The following CNGB3 variants were observed in gnomAD, a reference collection of about 807,000 sequenced individuals.
CNGB3 encodes cyclic nucleotide-gated channel beta-3.
CNGB3 carries 86 observed loss-of-function variants against 92.8 expected under a neutral mutation model. That is an observed-to-expected ratio of 0.93 (90% CI 0.78 to 1.11). CNGB3 has a LOEUF of 1.11. Among genes scored for constraint, CNGB3 ranks in the 50% least tolerant of loss-of-function variants. The pLI, the probability that CNGB3 is intolerant of heterozygous loss-of-function variation, is 0.00. For synonymous variants in CNGB3, 333 were observed against 332.7 expected, an observed-to-expected ratio of 1.00 and a Z score of -0.01; for missense variants, 1,026 against 956.8, an observed-to-expected ratio of 1.07 and a Z score of -0.95.
chr8:86,701,225 G>C (rs1244832955), intron 3 of CNGB3, among the ~76,000 whole-genome samples: 14 of 151,910 alleles, frequency 9.2e-5, no homozygotes, highest in Non-Finnish European at 4.4e-5. Flanking sequence ...GCTGTTCCTT[G>C]GCTTTAGAAA....
intron 3 of CNGB3, among the ~76,000 whole-genome samples, chr8:86,682,200 C>T (rs978038891): frequency 1.3e-5 from 2 of 152,094 alleles, no homozygotes; most frequent in South Asian, 2.1e-4. Flanking sequence ...TTCCACAGGT[C>T]GGGCTGTGGG....
chr8:86,593,572 G>A (rs952813413), intron 15 of CNGB3, among the ~76,000 whole-genome samples: 2 of 152,024 alleles, frequency 1.3e-5, no homozygotes, highest in Non-Finnish European at 2.9e-5. Context: ...TCTCTCCTTC[G>A]AGGTCTTTAT....
Position 86,644,653 on chromosome 8 carries a change from C to G in CNGB3, c.1024G>C (p.Glu342Gln). Residue 342 changes from glutamate to glutamine, a missense_variant, in exon 9 of 18, where the codon GAG (glutamate) becomes CAG (glutamine). By Grantham distance (29) the Glu-to-Gln change is conservative (BLOSUM62 2). Coordinates refer to ENST00000320005, the MANE Select transcript of CNGB3 (RefSeq NM_019098.5). ...ATATATGCTTTGTCCATTATAGACT[C>G]TAGGTGATGATTAAATTCAAAAAAT... ...TSFFEFNHHL[E>Q]SIMDKAYIYR... 6.3e-7 allele frequency: 1 copy of G among 1,593,100 alleles called. No homozygotes were observed. The highest frequency in any genetic ancestry group is 8.6e-7 in the Non-Finnish European group (1 of 1,167,172).
chr8:86,635,861 T>TATATATATATATATATATATAC (rs796498363), intron 10 of CNGB3, among the ~76,000 whole-genome samples: 1 of 66,270 alleles, frequency 1.5e-5, no homozygotes, highest in Non-Finnish European at 2.6e-5. Flanking sequence ...TATATATATA[T>TATATATATATATATATATATAC]ATACACATAC....
At chr8:86,654,820 A>T (rs1823472615) in intron 6 of CNGB3, among the ~76,000 whole-genome samples, 1 of 151,996 alleles carries the variant, frequency 6.6e-6, no homozygotes, top group Non-Finnish European at 1.5e-5. Flanking sequence ...ATTCCCCAGG[A>T]TTTAGCTCTC....
chr8:86,639,765 G>T (rs528721099), intron 10 of CNGB3, among the ~76,000 whole-genome samples: 1 of 152,188 alleles, frequency 6.6e-6, no homozygotes, highest in South Asian at 2.1e-4. Context: ...TAAGTAAAGA[G>T]GCTGCTTTTA....
At chr8:86,623,069 A>T (rs1822772856) in intron 13 of CNGB3, among the ~76,000 whole-genome samples, 1 of 152,258 alleles carries the variant, frequency 6.6e-6, no homozygotes, top group Non-Finnish European at 1.5e-5. Context: ...AATATTATTG[A>T]TTATATAATT....
chr8:86,594,778 G>A (rs371458564), intron 15 of CNGB3, among the ~76,000 whole-genome samples: 11 of 152,170 alleles, frequency 7.2e-5, no homozygotes, highest in African/African-American at 2.2e-4. Flanking sequence ...GCACAATCTC[G>A]GCTCACTGCA....
intron 6 of CNGB3, among the ~76,000 whole-genome samples, chr8:86,665,572 G>A (rs1271118864): frequency 2.0e-5 from 3 of 152,162 alleles, no homozygotes; most frequent in African/African-American, 7.2e-5. Context: ...TATACACCAT[G>A]GAACGAGATC....
chr8:86,717,053 C>T (rs563366733), intron 3 of CNGB3, among the ~76,000 whole-genome samples: 29 of 152,048 alleles, frequency 1.9e-4, no homozygotes, highest in Middle Eastern at 3.4e-3. Flanking sequence ...ACACCAAAAG[C>T]GAGCAGGAAA....
chr8:86,643,971 T>C (rs769742936), intron 9 of CNGB3, 98 bp from the exon 10 acceptor site: 31 of 1,348,492 alleles, frequency 2.3e-5, no homozygotes, highest in Non-Finnish European at 2.8e-5. Context: ...GCGAACCCCT[T>C]GCTTTGGATT....
chr8:86,657,923 C>T lies in CNGB3; in HGVS notation c.853-3861G>A. ...GGACCCCTCTGACCACCGTGCAGCT[C>T]CCCCTGCCATGCCCTGGCCTCCCCC... On this transcript the variant is annotated intron_variant, in intron 6 of 17. Coordinates refer to ENST00000320005, the MANE Select transcript of CNGB3 (RefSeq NM_019098.5). The T allele has an allele frequency of 3.6e-6, 2 of 550,926 alleles. 1 individual carries two copies. Among genetic ancestry groups the T allele is most frequent in the South Asian group, 2.8e-5 (2 of 71,302 alleles). 34.1% of individuals were successfully genotyped at this position (550,926 alleles called of 1,614,324 possible). A position where few individuals can be genotyped will look rare whatever the true frequency, so the allele number is the denominator to read the frequency against.
At position 86,616,966 on chromosome 8, in the gene CNGB3, AG is replaced by A. The variant is rs1237065919; in HGVS notation, c.1579-5296del. On this transcript the variant is annotated intron_variant, in intron 13 of 17. Transcript: ENST00000320005. ...TATCCTTAGTGTCTCATCAGGGTTT[AG>A]GGCATGTTGGATGGTAAATAAAAAT... 3.3e-5 allele frequency among the ~76,000 whole-genome samples: 5 copies of A among 152,334 alleles called. No individual in the cohort carries two copies. In the East Asian group the frequency reaches 9.7e-4, roughly 29 times the overall value.
At chr8:86,595,276 G>A (rs1255079240) in intron 15 of CNGB3, among the ~76,000 whole-genome samples, 1 of 152,146 alleles carries the variant, frequency 6.6e-6, no homozygotes, top group East Asian at 1.9e-4. Context: ...CAAACAGGCT[G>A]GTGTGATAAG....
chr8:86,590,264 G>A (rs1821998413), intron 15 of CNGB3, among the ~76,000 whole-genome samples: 1 of 151,940 alleles, frequency 6.6e-6, no homozygotes. Flanking sequence ...CCTGAATACA[G>A]CACACTGATG....
rs116765915 is a variant in CNGB3, at chr8:86,625,535, T to C, written c.1578+448A>G. Among the ~76,000 whole-genome samples the C allele has an allele frequency of 4.5e-3, 681 of 152,282 alleles. 7 individuals carry two copies. Among genetic ancestry groups the C allele is most frequent in the African/African-American group, 0.016 (648 of 41,566 alleles). On this transcript the variant is annotated intron_variant, in intron 13 of 17. Transcript: ENST00000320005. ...GAAACAAAAAGCTTCTAAATTAAAA[T>C]TTGGCCATTTTAAGAGTCTAAATCC...
rs79590033 is a variant in CNGB3, at chr8:86,737,328, T to C, written c.211+2327A>G. 8.5e-3 allele frequency among the ~76,000 whole-genome samples: 1,293 copies of C among 152,232 alleles called. 19 individuals carry two copies. Among genetic ancestry groups the C allele is most frequent in the African/African-American group, 0.029 (1,216 of 41,560 alleles). ...TTCAGGAAAAAAATCAACATCTTTATAATATTATCCTCCCAAGTGGACACA... is the reference window on the plus strand; with the variant it reads ...TTCAGGAAAAAAATCAACATCTTTACAATATTATCCTCCCAAGTGGACACA... On this transcript the variant is annotated intron_variant, in intron 2 of 17. Transcript: ENST00000320005.
chr8:86,706,088 A>G (rs971727227), intron 3 of CNGB3, among the ~76,000 whole-genome samples: 1 of 152,242 alleles, frequency 6.6e-6, no homozygotes, highest in Non-Finnish European at 1.5e-5. Context: ...TAAACAAAAC[A>G]CAATTCCTTT....
chr8:86,633,110 C>T (rs1487043035), intron 10 of CNGB3, among the ~76,000 whole-genome samples: 2 of 152,044 alleles, frequency 1.3e-5, no homozygotes, highest in Non-Finnish European at 2.9e-5. Context: ...GTTTACTAGC[C>T]GTTACCAAAA....
Sources: allele counts gnomAD v4.1 joint callset (sites outside exome capture counted in the v4.1 genomes callset), GRCh38; gene constraint gnomAD v4.1.1; transcripts MANE v1.5; gene names NCBI Gene and HGNC (gene_info 2026-07-23, HGNC 2026-07-21).